LYSMD3: variants seen among roughly 807,000 people sequenced by gnomAD.
LYSMD3 encodes the protein lysM and putative peptidoglycan-binding domain-containing protein 3.
LYSMD3 carries 13 observed loss-of-function variants against 26.1 expected under a neutral mutation model. The observed-to-expected ratio is 0.50, with a 90% CI of 0.32 to 0.79. The LOEUF is 0.79. Ranked by LOEUF, LYSMD3 falls within the 30% of genes least tolerant of loss-of-function variation. The probability of loss-of-function intolerance (pLI) is 0.03; values close to 1 mark genes in which losing one functional copy is unlikely to be tolerated. For synonymous variants in LYSMD3, 109 were observed against 119.4 expected (o/e 0.91, Z 0.57); for missense variants, 331 against 362.5 (o/e 0.91, Z 0.71).
In LYSMD3 at chr5:90,519,477, T is replaced by A. The variant is rs775101247; in HGVS notation, c.263A>T (p.Asp88Val). ...IALQYCCTVADIKRVNNLISD... is the reference protein window; with the variant it reads ...IALQYCCTVAVIKRVNNLISD... The stretch of plus-strand genomic sequence containing the variant: ...GATGAGATTGTTAACTCTCTTGATA[T>A]CTGCTACCTGTGGGGGGGAAAAAAA... The change falls in exon 3 of 3, where the codon GAT becomes GTT. Residue 88 changes from aspartate to valine, a missense_variant. This residue lies in a region of LYSMD3 where 262 missense variants were observed against 267.3 expected (regional missense o/e 0.98). Coordinates refer to ENST00000315948, the MANE Select transcript of LYSMD3 (RefSeq NM_198273.2). The A allele has an allele frequency of 2.5e-6, 4 of 1,587,256 alleles. No homozygotes were observed. The South Asian group carries it at 3.4e-5, about 13-fold the overall frequency.
chr5:90,521,489 G>T (rs190169605), intron 2 of LYSMD3, among the ~76,000 whole-genome samples: 29 of 152,074 alleles, frequency 1.9e-4, no homozygotes, highest in Non-Finnish European at 1.2e-4. Context: ...TGTATGTGTG[G>T]GGGGATTGGA....
intron 2 of LYSMD3, among the ~76,000 whole-genome samples, chr5:90,524,385 C>CAA (rs1174931950): frequency 2.0e-5 from 3 of 152,058 alleles, no homozygotes; most frequent in Non-Finnish European, 4.4e-5. Flanking sequence ...TCCTACATGC[C>CAA]AAAGTGTTAA....
At chr5:90,523,540 G>T (rs930688566) in intron 2 of LYSMD3, among the ~76,000 whole-genome samples, 1 of 151,884 alleles carries the variant, frequency 6.6e-6, no homozygotes, top group South Asian at 2.1e-4. Context: ...GGGGGAAGAT[G>T]AAAATATTAA....
intron 1 of LYSMD3, 133 bp downstream of exon 1, chr5:90,529,315 C>G (rs1414141581): frequency 2.7e-5 from 12 of 437,380 alleles, no homozygotes; most frequent in Middle Eastern, 3.7e-4. Flanking sequence ...GTGTCCGCCA[C>G]ACGGGCCGAG....
At chr5:90,524,897 G>T in intron 2 of LYSMD3, 138 bp downstream of exon 2, 3 of 855,056 alleles carry the variant, frequency 3.5e-6, no homozygotes, top group Non-Finnish European at 5.2e-6. Context: ...CAGCCCATGT[G>T]ACACAGATTT....
At chr5:90,526,812 A>G (rs1201474424) in intron 1 of LYSMD3, 2 of 152,248 alleles carry the variant, frequency 1.3e-5, no homozygotes, top group Non-Finnish European at 2.9e-5. Context: ...TGGCAAATAG[A>G]CAAATGGGCT....
chr5:90,526,602 G>A (rs1753228996), intron 1 of LYSMD3, among the ~76,000 whole-genome samples: 1 of 152,210 alleles, frequency 6.6e-6, no homozygotes, highest in South Asian at 2.1e-4. Flanking sequence ...ATGGAGGGAA[G>A]TAGTAAGAAG....
Position 90,525,267 on chromosome 5 carries a change from C to G in LYSMD3, c.23G>C (p.Arg8Pro). The change falls in exon 2 of 3, where the codon CGT becomes CCT. Residue 8 changes from arginine to proline, a missense_variant. By Grantham distance (103) the Arg-to-Pro change is moderately radical (BLOSUM62 -2). Coordinates refer to ENST00000315948, the MANE Select transcript of LYSMD3 (RefSeq NM_198273.2). ...CTGAACTCCTGGAAGAGGAAAACTA[C>G]GATTCTGATGCCTCCCTGCCATAAT... The part of the protein sequence containing the change: MAGRHQN[R>P]SFPLPGVQSS... The G allele has an allele frequency of 1.2e-6, 2 of 1,609,214 alleles. No individual in the cohort carries two copies. Among genetic ancestry groups the G allele is most frequent in the Non-Finnish European group, 1.7e-6 (2 of 1,178,248 alleles).
At position 90,529,515 on chromosome 5, in the gene LYSMD3, G is replaced by T. The variant is rs955036144; in HGVS notation, c.-79C>A. The T allele has an allele frequency of 2.2e-6, 1 of 456,512 alleles. No individual in the cohort carries two copies. Among genetic ancestry groups the T allele is most frequent in the African/African-American group, 2.0e-5 (1 of 50,064 alleles). The allele number at this position is 456,512 out of a possible 1,614,324, so 28.3% of individuals were successfully genotyped here. Reference sequence around the variant, plus strand: ...AAGGTCCGCCGCCGCCGCTGTCCCGGGTAAGTTCATGGCCGAGCCTCTGCT... The same window carrying T: ...AAGGTCCGCCGCCGCCGCTGTCCCGTGTAAGTTCATGGCCGAGCCTCTGCT... On this transcript the variant is annotated 5_prime_UTR_variant, in exon 1 of 3. Coordinates refer to ENST00000315948, the MANE Select transcript of LYSMD3 (RefSeq NM_198273.2).
At chr5:90,519,782 C>T (rs1448881935) in intron 2 of LYSMD3, among the ~76,000 whole-genome samples, 4 of 151,964 alleles carry the variant, frequency 2.6e-5, no homozygotes, top group Non-Finnish European at 5.9e-5. Context: ...GTGCATCATG[C>T]ATAAATACCA....
Position 90,517,862 on chromosome 5 carries a change from C to A in LYSMD3, c.*957G>T, listed in dbSNP as rs1156906627. On this transcript the variant is annotated 3_prime_UTR_variant, in exon 3 of 3. Coordinates refer to ENST00000315948, the MANE Select transcript of LYSMD3 (RefSeq NM_198273.2). Reference sequence around the variant, plus strand: ...AATTTATATAGCCTATGTAACGAATCTGATTGGACCATATGAAATAATGCT... The same window carrying A: ...AATTTATATAGCCTATGTAACGAATATGATTGGACCATATGAAATAATGCT... 2.0e-5 allele frequency: 3 copies of A among 152,390 alleles called. No individual in the cohort carries two copies. The highest frequency in any genetic ancestry group is 7.2e-5 in the African/African-American group (3 of 41,416). The allele number at this position is 152,390 out of a possible 1,614,324, so 9.4% of individuals were successfully genotyped here. A position where few individuals can be genotyped will look rare whatever the true frequency, so the allele number is the denominator to read the frequency against.
rs1181973716 is a variant in LYSMD3 at position 90,519,205 on chromosome 5, T to C, written c.535A>G (p.Arg179Gly). The change falls in exon 3 of 3, where the codon AGA becomes GGA. Residue 179 changes from arginine to glycine, a missense_variant. Around this residue, in one of 3 missense-constraint regions of LYSMD3, gnomAD observed 262 missense variants for 267.3 expected, o/e 0.98. Transcript: ENST00000315948. The part of the protein sequence containing the change: ...EQIVKCTDNK[R>G]ENLNEVVSAL... ...GATACTACCTCATTGAGGTTCTCTCTCTTATTGTCTGTACACTTTACTATT... is the reference window on the plus strand; with the variant it reads ...GATACTACCTCATTGAGGTTCTCTCCCTTATTGTCTGTACACTTTACTATT... The C allele has an allele frequency of 6.2e-7, 1 of 1,613,932 alleles. No homozygotes were observed. Among genetic ancestry groups the C allele is most frequent in the Non-Finnish European group, 8.5e-7 (1 of 1,179,994 alleles).
chr5:90,526,567 C>A (rs1378675266), intron 1 of LYSMD3, among the ~76,000 whole-genome samples: 1 of 152,212 alleles, frequency 6.6e-6, no homozygotes, highest in Non-Finnish European at 1.5e-5. Flanking sequence ...AAGGGGCAGA[C>A]TGCTTTCAGT....
At position 90,518,496 on chromosome 5, in the gene LYSMD3, A is replaced by G. The variant is rs577056861; in HGVS notation, c.*323T>C. The G allele has an allele frequency of 9.5e-6, 2 of 210,120 alleles. No homozygotes were observed. The highest frequency in any genetic ancestry group is 4.6e-5 in the African/African-American group (2 of 43,588). The allele number at this position is 210,120 out of a possible 1,614,324, so 13.0% of individuals were successfully genotyped here. ...CTGCATCATAAATTTAACATTAATA[A>G]ACTTTTTAAAAATTACTTAAAAAAA... On this transcript the variant is annotated 3_prime_UTR_variant, in exon 3 of 3. Coordinates refer to ENST00000315948, the MANE Select transcript of LYSMD3 (RefSeq NM_198273.2).
At chr5:90,520,813 G>A (rs148675231) in intron 2 of LYSMD3, among the ~76,000 whole-genome samples, 1,868 of 152,116 alleles carry the variant, frequency 0.012, 37 homozygotes, top group East Asian at 0.057. Context: ...CAGCTACTCC[G>A]GAGGCTGAGG....
intron 2 of LYSMD3, among the ~76,000 whole-genome samples, chr5:90,524,607 T>TA (rs1753170730): frequency 6.6e-6 from 1 of 152,230 alleles, no homozygotes; most frequent in South Asian, 2.1e-4. Flanking sequence ...TCTTTCCTTT[T>TA]TTGGAGACGG....
intron 2 of LYSMD3, among the ~76,000 whole-genome samples, chr5:90,523,430 T>C (rs1424949069): frequency 1.3e-5 from 2 of 151,884 alleles, no homozygotes; most frequent in South Asian, 2.1e-4. Flanking sequence ...TTATATAATA[T>C]AAACTTATAG....
At position 90,515,968 on chromosome 5, in the gene LYSMD3, T is replaced by C. The variant is rs1456527735; in HGVS notation, c.*2851A>G. 1 of 152,170 alleles carries C rather than the reference T, an allele frequency of 6.6e-6. No homozygotes were observed. Among genetic ancestry groups the C allele is most frequent in the African/African-American group, 2.4e-5 (1 of 41,452 alleles). 9.4% of individuals were successfully genotyped at this position (152,170 alleles called of 1,614,324 possible). On this transcript the variant is annotated 3_prime_UTR_variant, in exon 3 of 3. Coordinates refer to ENST00000315948, the MANE Select transcript of LYSMD3 (RefSeq NM_198273.2). Reference sequence around the variant, plus strand: ...AAACTCCACCTTTACCCTGTAACACTGACTAGATCCTTGCTTCATGATATT... The same window carrying C: ...AAACTCCACCTTTACCCTGTAACACCGACTAGATCCTTGCTTCATGATATT...
At chr5:90,528,735 A>G (rs1753283946) in intron 1 of LYSMD3, among the ~76,000 whole-genome samples, 1 of 152,216 alleles carries the variant, frequency 6.6e-6, no homozygotes, top group Non-Finnish European at 1.5e-5. Context: ...AAAAGGCACG[A>G]ACTCCCTTTC....
Sources: gnomAD v4.1 joint callset for allele counts (sites outside exome capture counted in the v4.1 genomes callset) on GRCh38, gnomAD v4.1.1 for gene constraint, gnomAD v4.1.1 regional missense constraint, MANE v1.5 for transcripts, NCBI Gene and HGNC (gene_info 2026-07-23, HGNC 2026-07-21) for gene names.